The following ZNF197 variants were observed in gnomAD, a reference collection of about 807,000 sequenced individuals.
The protein encoded by ZNF197 is zinc finger protein 197.
Under a neutral mutation model 27.4 loss-of-function variants are expected in ZNF197, and 14 were observed. That is an observed-to-expected ratio of 0.51 (90% CI 0.34 to 0.80). The LOEUF (loss-of-function observed/expected upper bound fraction) is 0.80, where lower values mean the gene tolerates loss of function less well. ZNF197 is among the 30% of genes least tolerant of loss of function. The pLI is 0.02. For missense variants in ZNF197, 1,090 were observed against 1,222.6 expected (o/e 0.89, Z 1.62); for synonymous variants, 415 against 420.0 (o/e 0.99, Z 0.15).
At position 44,643,392 on chromosome 3, in the gene ZNF197, A is replaced by G. The variant is rs1702748817; in HGVS notation, c.2262A>G (p.Arg754=). The G allele has an allele frequency of 6.2e-7, 1 of 1,614,068 alleles. No homozygotes were observed. The highest frequency in any genetic ancestry group is 1.1e-5 in the South Asian group (1 of 91,084). The part of the protein sequence containing the change: ...SYNSSLLVHR[R]IHTGEKPFEC... The stretch of plus-strand genomic sequence containing the variant: ...ATTCAAGCCTGCTTGTACATCGGAG[A>G]ATCCACACCGGAGAAAAACCCTTTG... Residue 754 remains arginine, a synonymous_variant, in exon 6 of 6, where the codon AGA becomes AGG. Transcript: ENST00000344387.
At position 44,642,259 on chromosome 3, in the gene ZNF197, A is replaced by C. The variant is rs749577535; in HGVS notation, c.1129A>C (p.Lys377Gln). The change falls in exon 6 of 6, where the codon AAA becomes CAA. Residue 377 changes from lysine (K) to glutamine (Q), a missense_variant. Transcript: ENST00000344387. The part of the protein sequence containing the change: ...KKFYKCDMCC[K>Q]HFNKISHLIN... ...GTTTTATAAATGTGATATGTGTTGT[A>C]AACATTTTAATAAAATCTCCCATCT... The C allele has an allele frequency of 2.5e-6, 4 of 1,613,970 alleles. No homozygotes were observed. The highest frequency in any genetic ancestry group is 3.4e-6 in the Non-Finnish European group (4 of 1,179,964).
At position 44,642,797 on chromosome 3, in the gene ZNF197, A is replaced by G. The variant is rs1440653203; in HGVS notation, c.1667A>G (p.His556Arg). 5 of 1,613,502 alleles carry G rather than the reference A, an allele frequency of 3.1e-6. No homozygotes were observed. Among genetic ancestry groups the G allele is most frequent in the African/African-American group, 2.7e-5 (2 of 74,852 alleles). The change falls in exon 6 of 6, where the codon CAT (histidine) becomes CGT (arginine). Residue 556 changes from histidine (H) to arginine (R), a missense_variant. Transcript: ENST00000344387. ...TFAQTTYLID[H>R]QRLHSAENPY... The stretch of plus-strand genomic sequence containing the variant: ...GCTCAGACCACTTATCTTATTGACC[A>G]TCAGCGACTCCACAGTGCAGAGAAC...
chr3:44,631,092 CT>C lies in ZNF197; in HGVS notation c.422del (p.Leu141ProfsTer5). 6.2e-7 allele frequency: 1 copy of C among 1,614,150 alleles called. No individual in the cohort carries two copies. The highest frequency in any genetic ancestry group is 1.1e-5 in the South Asian group (1 of 91,082). On this transcript the variant is annotated frameshift_variant, in exon 3 of 6. Transcript: ENST00000344387. LOFTEE classifies it high-confidence loss of function. ...VPVLVKDQDT[L>X]QKVVSAPGTT... ...AGTCCTTGTCAAGGATCAGGACACT[CT>C]CCAGAAGGTGGTGAGTGCCCCAGGA... is the stretch of plus-strand genomic sequence containing the variant.
At chr3:44,629,040 C>A (rs1449050407) in intron 1 of ZNF197, 34 bp from the exon 2 acceptor site, 1 of 1,471,216 alleles carries the variant, frequency 6.8e-7, no homozygotes, top group African/African-American at 1.4e-5. Context: ...TTTCTCTGGG[C>A]TAACTTTAAC....
At chr3:44,631,005 A>C in intron 2 of ZNF197, 57 bp from the exon 3 acceptor site, 1 of 1,610,754 alleles carries the variant, frequency 6.2e-7, no homozygotes, top group South Asian at 1.1e-5. Context: ...CACAGTGCTT[A>C]GGTGAGTCCA....
At position 44,646,470 on chromosome 3, in the gene ZNF197, C is replaced by T. The variant is rs745951167; in HGVS notation, c.*2250C>T. 2.5e-6 allele frequency: 4 copies of T among 1,610,966 alleles called. No individual in the cohort carries two copies. In the South Asian group the frequency reaches 4.4e-5, roughly 18 times the overall value. On this transcript the variant is annotated 3_prime_UTR_variant, in exon 6 of 6. Transcript: ENST00000344387. Reference sequence around the variant, plus strand: ...AATGTTCAACCTGAATTTAATCAAGCTTCTTGGACCTCATTGCCAGGTTAC... The same window carrying T: ...AATGTTCAACCTGAATTTAATCAAGTTTCTTGGACCTCATTGCCAGGTTAC...
chr3:44,642,218 G>T lies in ZNF197; in HGVS notation c.1088G>T (p.Gly363Val). ...FGSAISESLI[G>V]TEGKKFYKCD... is the part of the protein sequence containing the mutation. The stretch of plus-strand genomic sequence containing the variant: ...TCAGCTATTTCTGAAAGTTTAATAG[G>T]TACTGAAGGAAAGAAGTTTTATAAA... Residue 363 changes from glycine to valine, a missense_variant, in exon 6 of 6, where the codon GGT becomes GTT. Gly to Val is a moderately radical substitution (Grantham distance 109). Coordinates refer to ENST00000344387, the MANE Select transcript of ZNF197 (RefSeq NM_006991.5). 1 of 1,614,076 alleles carries T rather than the reference G, an allele frequency of 6.2e-7. No individual in the cohort carries two copies. Among genetic ancestry groups the T allele is most frequent in the Non-Finnish European group, 8.5e-7 (1 of 1,179,990 alleles).
rs1471490071 is a variant in ZNF197, at chr3:44,643,217, A to G, written c.2087A>G (p.His696Arg). The G allele has an allele frequency of 6.2e-6, 10 of 1,614,090 alleles. No individual in the cohort carries two copies. Among genetic ancestry groups the G allele is most frequent in the Non-Finnish European group, 6.8e-6 (8 of 1,180,022 alleles). ...VFGSNRNLID[H>R]ERLHNGEKPY... ...GGTTCAAACAGAAACCTCATTGACC[A>G]TGAGAGACTCCACAATGGGGAGAAG... is the stretch of plus-strand genomic sequence containing the variant. Residue 696 changes from histidine (H) to arginine (R), a missense_variant, in exon 6 of 6, where the codon CAT (histidine) becomes CGT (arginine). His to Arg is a conservative substitution (Grantham distance 29, BLOSUM62 0). Transcript: ENST00000344387.
rs143589333 is a variant in ZNF197, at chr3:44,633,909, C to A, written c.769+1310C>A. The stretch of plus-strand genomic sequence containing the variant: ...TTTGTGTTAATTTTGTACCTAGCAA[C>A]TTTATTTTATTATCTTTAATAATTT... On this transcript the variant is annotated intron_variant, in intron 5 of 5. Transcript: ENST00000344387. 1.5e-3 allele frequency among the ~76,000 whole-genome samples: 233 copies of A among 152,256 alleles called. 1 individual carries two copies. Among genetic ancestry groups the A allele is most frequent in the African/African-American group, 5.5e-3 (229 of 41,554 alleles).
In ZNF197 at chr3:44,643,732, C is replaced by G; in HGVS notation, c.2602C>G (p.His868Asp). The G allele has an allele frequency of 9.9e-6, 16 of 1,613,980 alleles. No homozygotes were observed. Among genetic ancestry groups the G allele is most frequent in the Non-Finnish European group, 1.4e-5 (16 of 1,179,994 alleles). The change falls in exon 6 of 6, where the codon CAC becomes GAC. Residue 868 changes from histidine (H) to aspartate (D), a missense_variant. Transcript: ENST00000344387. Reference protein sequence around the residue: ...NRNLIEHQRIHSGEKTYECHV... With the variant: ...NRNLIEHQRIDSGEKTYECHV... ...AAACCTGATTGAACATCAAAGAATT[C>G]ACAGTGGAGAAAAAACCTACGAATG...
At chr3:44,632,639 C>T in intron 5 of ZNF197, 40 bp downstream of exon 5, 1 of 1,427,474 alleles carries the variant, frequency 7.0e-7, no homozygotes, top group South Asian at 1.8e-5. Context: ...CTTTATTTCA[C>T]CAGCCTTTAT....
Position 44,643,979 on chromosome 3 carries a change from G to T in ZNF197, c.2849G>T (p.Arg950Ile), listed in dbSNP as rs1702792636. The change falls in exon 6 of 6, where the codon AGA becomes ATA. Residue 950 changes from arginine (R) to isoleucine (I), a missense_variant. By Grantham distance (97) the Arg-to-Ile change is moderately conservative. Transcript: ENST00000344387. Reference sequence around the variant, plus strand: ...AAGAGGAATTTAGTTGGCCACCAGAGAATTCACACAGGGGAGAAACCCTAT... The same window carrying T: ...AAGAGGAATTTAGTTGGCCACCAGATAATTCACACAGGGGAGAAACCCTAT... ...TSKRNLVGHQ[R>I]IHTGEKPYGC... 1 of 1,614,148 alleles carries T rather than the reference G, an allele frequency of 6.2e-7. No homozygotes were observed. Among genetic ancestry groups the T allele is most frequent in the South Asian group, 1.1e-5 (1 of 91,082 alleles).
In ZNF197 at chr3:44,642,122, A is replaced by C. The variant is rs773430199; in HGVS notation, c.992A>C (p.Lys331Thr). 10 of 1,614,088 alleles carry C rather than the reference A, an allele frequency of 6.2e-6. No homozygotes were observed. Among genetic ancestry groups the C allele is most frequent in the Admixed American group, 3.3e-5 (2 of 60,006 alleles). The stretch of plus-strand genomic sequence containing the variant: ...AAAGTTTCCCTTTGTGAACGAGACA[A>C]GAAGAAAAGGACTCCACCAGAGAAA... ...VKKVSLCERD[K>T]KKRTPPEKQG... The change falls in exon 6 of 6, where the codon AAG becomes ACG. Residue 331 changes from lysine (K) to threonine (T), a missense_variant. By Grantham distance (78) the Lys-to-Thr change is moderately conservative. Coordinates refer to ENST00000344387, the MANE Select transcript of ZNF197 (RefSeq NM_006991.5).
At position 44,627,585 on chromosome 3, in the gene ZNF197, C is replaced by T. The variant is rs561078080; in HGVS notation, c.-81-1489C>T. 2.0e-5 allele frequency among the ~76,000 whole-genome samples: 3 copies of T among 152,260 alleles called. No individual in the cohort carries two copies. In the East Asian group the frequency reaches 5.8e-4, roughly 29 times the overall value. ...TGGTGGCTCATGCCTGTAATCTCAG[C>T]ACTTTGGGAGTCCAAGGCAGGCAGA... On this transcript the variant is annotated intron_variant, in intron 1 of 5. Transcript: ENST00000344387.
At chr3:44,639,459 G>T (rs539615844) in intron 5 of ZNF197, among the ~76,000 whole-genome samples, 6 of 151,290 alleles carry the variant, frequency 4.0e-5, no homozygotes, top group African/African-American at 1.5e-4. Context: ...GCAGGCAGGG[G>T]GTGGGGGTAA....
rs201634900 is a variant in ZNF197, at chr3:44,632,463, G to T, written c.643-10G>T. On this transcript the variant is annotated splice_polypyrimidine_tract_variant and intron_variant, in intron 4 of 5. Transcript: ENST00000344387. ...GGCATTGGTAATCTCACACACACTT[G>T]TTATTTCAGGAGTTGGTGATGTTCG... The T allele has an allele frequency of 2.2e-4, 352 of 1,578,972 alleles. No homozygotes were observed. Among genetic ancestry groups the T allele is most frequent in the Non-Finnish European group, 2.7e-4 (320 of 1,166,512 alleles).
rs979862528 is a variant in ZNF197, at chr3:44,644,871, T to A, written c.*651T>A. The stretch of plus-strand genomic sequence containing the variant: ...CCGTCTTTAGTAAATAAAAATAAAT[T>A]TATTAATAAAACTAAAAATTTAATA... On this transcript the variant is annotated 3_prime_UTR_variant, in exon 6 of 6. Coordinates refer to ENST00000344387, the MANE Select transcript of ZNF197 (RefSeq NM_006991.5). 2 of 962,082 alleles carry A rather than the reference T, an allele frequency of 2.1e-6. No individual in the cohort carries two copies. Among genetic ancestry groups the A allele is most frequent in the Non-Finnish European group, 2.5e-6 (2 of 808,830 alleles). The allele number at this position is 962,082 out of a possible 1,614,324, so 59.6% of individuals were successfully genotyped here. A position where few individuals can be genotyped will look rare whatever the true frequency, so the allele number is the denominator to read the frequency against.
intron 1 of ZNF197, 73 bp from the exon 2 acceptor site, chr3:44,629,001 A>G (rs1214146045): frequency 8.9e-7 from 1 of 1,124,452 alleles, no homozygotes; most frequent in Non-Finnish European, 1.3e-6. Context: ...GCTGACTGGG[A>G]GCTGACTGGG....
intron 4 of ZNF197, 21 bp from the exon 5 acceptor site, chr3:44,632,452 C>CA: frequency 6.4e-7 from 1 of 1,570,884 alleles, no homozygotes; most frequent in Non-Finnish European, 8.6e-7. Flanking sequence ...TTGGTAATCT[C>CA]ACACACACTT....
Sources: allele counts gnomAD v4.1 joint callset (sites outside exome capture counted in the v4.1 genomes callset), GRCh38; gene constraint gnomAD v4.1.1; transcripts MANE v1.5; gene names NCBI Gene and HGNC (gene_info 2026-07-23, HGNC 2026-07-21).